The following MEF2A variants were observed in gnomAD, a reference collection of about 807,000 sequenced individuals.
MEF2A encodes the protein myocyte-specific enhancer factor 2A.
A neutral mutation model predicts 55.8 loss-of-function variants in MEF2A; 28 were observed. The ratio of observed to expected loss-of-function variants is 0.50; its 90% CI spans 0.37 to 0.69. MEF2A has a LOEUF of 0.69. Among genes scored for constraint, MEF2A ranks in the 30% least tolerant of loss-of-function variants. The pLI is 0.00. For synonymous variants in MEF2A, 239 were observed against 227.1 expected (o/e 1.05, Z -0.47); for missense variants, 528 against 626.2 (o/e 0.84, Z 1.67).
At chr15:99,571,424 C>T (rs1207557768) in intron 1 of MEF2A, among the ~76,000 whole-genome samples, 1 of 152,090 alleles carries the variant, frequency 6.6e-6, no homozygotes, top group Admixed American at 6.6e-5. Flanking sequence ...CATTAATTTT[C>T]CTCCTACCAT....
Position 99,674,419 on chromosome 15 carries a change from A to G in MEF2A, c.417A>G (p.Ser139=). The G allele has an allele frequency of 6.2e-7, 1 of 1,611,204 alleles. No homozygotes were observed. The highest frequency in any genetic ancestry group is 8.5e-7 in the Non-Finnish European group (1 of 1,177,752). The part of the protein sequence containing the change: ...GPPGLPPQNF[S]MSVTVPVTSP... The stretch of plus-strand genomic sequence containing the variant: ...CTGGTCTGCCACCTCAGAACTTTTC[A>G]ATGTCTGTCACAGTTCCAGTGACCA... Residue 139 remains serine (S), a synonymous_variant, in exon 6 of 12, where the codon TCA becomes TCG. Coordinates refer to ENST00000557942, the MANE Select transcript of MEF2A (RefSeq NM_001319206.4).
intron 1 of MEF2A, among the ~76,000 whole-genome samples, chr15:99,590,114 T>A (rs1230220213): frequency 6.6e-6 from 1 of 152,130 alleles, no homozygotes; most frequent in African/African-American, 2.4e-5. Context: ...TAATTGTAGA[T>A]ATCTATTTCT....
chr15:99,700,378 A>G (rs1020962606), intron 8 of MEF2A, among the ~76,000 whole-genome samples: 6 of 151,434 alleles, frequency 4.0e-5, no homozygotes, highest in African/African-American at 1.5e-4. Flanking sequence ...CGAGTGTGGT[A>G]GGATGCCCCC....
rs1447952108 is a variant in MEF2A at position 99,716,169 on chromosome 15, A to G, written c.*3398A>G. On this transcript the variant is annotated 3_prime_UTR_variant, in exon 12 of 12. Coordinates refer to ENST00000557942, the MANE Select transcript of MEF2A (RefSeq NM_001319206.4). ...CTGTGCAAGAAGACACTGCTTTGCT[A>G]TATTTAAAATGGCTTTTTTAAAAGA... is the stretch of plus-strand genomic sequence containing the variant. 3 of 179,450 alleles carry G rather than the reference A, an allele frequency of 1.7e-5. No homozygotes were observed. Among genetic ancestry groups the G allele is most frequent in the Admixed American group, 5.7e-5 (1 of 17,580 alleles). The allele number at this position is 179,450 out of a possible 1,614,324, so 11.1% of individuals were successfully genotyped here.
chr15:99,655,628 A>G (rs2047576426), intron 4 of MEF2A, among the ~76,000 whole-genome samples: 1 of 152,082 alleles, frequency 6.6e-6, no homozygotes. Flanking sequence ...ATTACTCATG[A>G]TAGGCTTTAG....
chr15:99,682,282 G>T (rs1023798155), intron 7 of MEF2A, among the ~76,000 whole-genome samples: 1 of 152,186 alleles, frequency 6.6e-6, no homozygotes, highest in Non-Finnish European at 1.5e-5. Flanking sequence ...ATCAAGTTCT[G>T]TTAAGTTTCT....
chr15:99,712,628 TCTAGTAGCTC>T lies in MEF2A; in HGVS notation c.1379_1388del (p.Ser460MetfsTer33). On this transcript the variant is annotated frameshift_variant, in exon 12 of 12. Coordinates refer to ENST00000557942, the MANE Select transcript of MEF2A (RefSeq NM_001319206.4). LOFTEE classifies it high-confidence loss of function. The surrounding 1 kb of genome is among the most constrained non-coding windows in gnomAD (Gnocchi z 4.1). ...CTCCCCTGTGGACAGTCTGAGCAGC[TCTAGTAGCTC>T]CTATGATGGCAGTGATCGGGAGGAT... The T allele has an allele frequency of 6.4e-7, 1 of 1,552,256 alleles. No homozygotes were observed. The highest frequency in any genetic ancestry group is 8.7e-7 in the Non-Finnish European group (1 of 1,147,422).
chr15:99,584,842 G>T (rs954238594), intron 1 of MEF2A, among the ~76,000 whole-genome samples: 4 of 152,172 alleles, frequency 2.6e-5, no homozygotes, highest in African/African-American at 9.7e-5. Flanking sequence ...TGAATTGTAT[G>T]TAAATTATAT....
chr15:99,690,457 C>A, intron 8 of MEF2A, 29 bp downstream of exon 8: 1 of 1,545,958 alleles, frequency 6.5e-7, no homozygotes, highest in Non-Finnish European at 8.8e-7. Context: ...CAACTTCATT[C>A]TTTAAAACAC....
chr15:99,574,443 T>TA (rs1963609321), intron 1 of MEF2A, among the ~76,000 whole-genome samples: 1 of 152,218 alleles, frequency 6.6e-6, no homozygotes, highest in Non-Finnish European at 1.5e-5. Context: ...ATGAAATACT[T>TA]ATACAACTCA....
chr15:99,631,856 T>C (rs1188911301), intron 2 of MEF2A, among the ~76,000 whole-genome samples: 1 of 152,166 alleles, frequency 6.6e-6, no homozygotes, highest in Non-Finnish European at 1.5e-5. Context: ...ACGAAAGGCT[T>C]ATAGCTTTTG....
intron 2 of MEF2A, among the ~76,000 whole-genome samples, chr15:99,607,021 C>G (rs1975407310): frequency 6.6e-6 from 1 of 152,140 alleles, no homozygotes; most frequent in African/African-American, 2.4e-5. Flanking sequence ...ATAAATATCA[C>G]AAGATGTTTC....
chr15:99,674,793 G>A (rs1369102328), intron 6 of MEF2A, among the ~76,000 whole-genome samples, 181 bp downstream of exon 6: 1 of 152,128 alleles, frequency 6.6e-6, no homozygotes, highest in East Asian at 1.9e-4. Context: ...GTAGCATTGT[G>A]TCATGCAAAG....
chr15:99,663,119 C>T (rs756687856), intron 4 of MEF2A, among the ~76,000 whole-genome samples: 5 of 151,690 alleles, frequency 3.3e-5, no homozygotes, highest in Non-Finnish European at 7.4e-5. Flanking sequence ...GTTAAAAGTG[C>T]AGGCATGGGC....
At chr15:99,589,806 C>A (rs1968635774) in intron 1 of MEF2A, among the ~76,000 whole-genome samples, 1 of 151,972 alleles carries the variant, frequency 6.6e-6, no homozygotes, top group Non-Finnish European at 1.5e-5. Context: ...ATGTCCCCCC[C>A]CAAAAAAGTG....
rs1327564911 is a variant in MEF2A, at chr15:99,674,492, C to T, written c.490C>T (p.Pro164Ser). 6.2e-7 allele frequency: 1 copy of T among 1,613,810 alleles called. No homozygotes were observed. Among genetic ancestry groups the T allele is most frequent in the African/African-American group, 1.3e-5 (1 of 74,900 alleles). The change falls in exon 6 of 12, where the codon CCA becomes TCA. Residue 164 changes from proline (P) to serine (S), a missense_variant. Pro to Ser is a moderately conservative substitution (Grantham distance 74, BLOSUM62 -1). Coordinates refer to ENST00000557942, the MANE Select transcript of MEF2A (RefSeq NM_001319206.4). ...TAACCCAGGGAGTTCACTGGTGTCCCCATCTTTGGCAGCCAGCTCAACGTT... is the reference window on the plus strand; with the variant it reads ...TAACCCAGGGAGTTCACTGGTGTCCTCATCTTTGGCAGCCAGCTCAACGTT... The part of the protein sequence containing the change: ...YTNPGSSLVS[P>S]SLAASSTLTD...
At chr15:99,585,856 G>A (rs2570931) in intron 1 of MEF2A, among the ~76,000 whole-genome samples, 15,511 of 152,038 alleles carry the variant, frequency 0.1, 2,685 homozygotes, top group African/African-American at 0.35. Flanking sequence ...TTGAGGAGTG[G>A]CTTTCATAAT....
intron 1 of MEF2A, among the ~76,000 whole-genome samples, chr15:99,570,189 T>G (rs576700174): frequency 6.6e-6 from 1 of 152,262 alleles, no homozygotes; most frequent in African/African-American, 2.4e-5. Flanking sequence ...GGCAGGTAAT[T>G]TACTTCATCA....
At chr15:99,672,060 T>C (rs1287131093) in intron 5 of MEF2A, among the ~76,000 whole-genome samples, 1 of 152,238 alleles carries the variant, frequency 6.6e-6, no homozygotes, top group Non-Finnish European at 1.5e-5. Context: ...AAAACATATG[T>C]GTTCTTAAAT....
Sources: allele counts gnomAD v4.1 joint callset (sites outside exome capture counted in the v4.1 genomes callset), GRCh38; gene constraint gnomAD v4.1.1; non-coding constraint Gnocchi (gnomAD v3.1); transcripts MANE v1.5; gene names NCBI Gene and HGNC (gene_info 2026-07-23, HGNC 2026-07-21).